Variants in B3GAT2 observed in about 807,000 individuals in gnomAD.
The protein encoded by B3GAT2 is galactosylgalactosylxylosylprotein 3-beta-glucuronosyltransferase 2.
In B3GAT2, 26 loss-of-function variants were observed where a neutral mutation model predicts 27.8. The ratio of observed to expected loss-of-function variants is 0.93; its 90% CI spans 0.68 to 1.30. The LOEUF is 1.30. B3GAT2 is among the 50% of genes most tolerant of loss of function. The probability of loss-of-function intolerance (pLI) is 0.00; values close to 1 mark genes in which losing one functional copy is unlikely to be tolerated. For missense variants in B3GAT2, 458 were observed against 459.0 expected (o/e 1.00, Z 0.02); for synonymous variants, 218 against 195.1 (o/e 1.12, Z -0.98).
intron 2 of B3GAT2, among the ~76,000 whole-genome samples, chr6:70,884,871 G>T (rs1772158052): frequency 6.6e-6 from 1 of 152,200 alleles, no homozygotes; most frequent in Non-Finnish European, 1.5e-5. Flanking sequence ...CAGAGTGTTT[G>T]GGGTCAGGGT....
chr6:70,894,401 A>G, intron 1 of B3GAT2, 129 bp from the exon 2 acceptor site: 1 of 1,012,688 alleles, frequency 9.9e-7, no homozygotes, highest in Non-Finnish European at 1.4e-6. Context: ...GTTTCAAAAC[A>G]GAATCCTTCT....
intron 1 of B3GAT2, among the ~76,000 whole-genome samples, chr6:70,941,058 C>G (rs1765384388): frequency 1.3e-5 from 2 of 152,128 alleles, no homozygotes; most frequent in Non-Finnish European, 2.9e-5. Flanking sequence ...TGTAGACAAG[C>G]CCTATTTAAC....
intron 1 of B3GAT2, among the ~76,000 whole-genome samples, chr6:70,942,226 G>C (rs1050891087): frequency 6.6e-6 from 1 of 152,130 alleles, no homozygotes; most frequent in Non-Finnish European, 1.5e-5. Flanking sequence ...AGATTCCAAT[G>C]GGCATGATTT....
intron 1 of B3GAT2, among the ~76,000 whole-genome samples, chr6:70,906,759 C>A (rs1028302399): frequency 2.0e-5 from 3 of 152,090 alleles, no homozygotes; most frequent in Non-Finnish European, 4.4e-5. Flanking sequence ...AATCCGATCC[C>A]CTGCTCCACT....
intron 1 of B3GAT2, among the ~76,000 whole-genome samples, chr6:70,949,712 C>T (rs1765548166): frequency 6.6e-6 from 1 of 151,460 alleles, no homozygotes; most frequent in African/African-American, 2.4e-5. Flanking sequence ...GGGTATATAC[C>T]CAAAGGACTA....
chr6:70,898,416 C>T (rs1020334074), intron 1 of B3GAT2, among the ~76,000 whole-genome samples: 1 of 152,144 alleles, frequency 6.6e-6, no homozygotes, highest in African/African-American at 2.4e-5. Context: ...CTCACTCCAG[C>T]TTCAGACTCC....
intron 1 of B3GAT2, among the ~76,000 whole-genome samples, chr6:70,918,300 T>A (rs1209547733): frequency 6.6e-6 from 1 of 152,202 alleles, no homozygotes; most frequent in African/African-American, 2.4e-5. Context: ...TGTCTTTGCA[T>A]GTGAGATAGG....
At chr6:70,934,262 G>A (rs976474893) in intron 1 of B3GAT2, among the ~76,000 whole-genome samples, 1 of 152,190 alleles carries the variant, frequency 6.6e-6, no homozygotes, top group African/African-American at 2.4e-5. Flanking sequence ...TAAATTCCCA[G>A]ACCCTTGGCA....
intron 1 of B3GAT2, among the ~76,000 whole-genome samples, chr6:70,905,914 T>A (rs1021902755): frequency 6.6e-6 from 1 of 152,106 alleles, no homozygotes; most frequent in African/African-American, 2.4e-5. Flanking sequence ...TATGTGTGTG[T>A]GTGTGCAGTG....
At chr6:70,939,474 A>G (rs1303062692) in intron 1 of B3GAT2, among the ~76,000 whole-genome samples, 1 of 151,200 alleles carries the variant, frequency 6.6e-6, no homozygotes, top group Non-Finnish European at 1.5e-5. Context: ...ACTATTCACA[A>G]TAGCAAAGAC....
rs190133672 is a variant in B3GAT2, at chr6:70,861,564, A to C, written c.*99T>G. 1 of 1,124,462 alleles carries C rather than the reference A, an allele frequency of 8.9e-7. No individual in the cohort carries two copies. The highest frequency in any genetic ancestry group is 1.5e-5 in the African/African-American group (1 of 64,802). The allele number at this position is 1,124,462 out of a possible 1,614,324, so 69.7% of individuals were successfully genotyped here. On this transcript the variant is annotated 3_prime_UTR_variant, in exon 4 of 4. Coordinates refer to ENST00000230053, the MANE Select transcript of B3GAT2 (RefSeq NM_080742.3). ...ACAAGAAAGGCTGCTGTACTGAAGT[A>C]AAACAAACAATACCTGAATGCTCTG... is the stretch of plus-strand genomic sequence containing the variant.
chr6:70,910,848 A>C (rs1772678523), intron 1 of B3GAT2, among the ~76,000 whole-genome samples: 1 of 152,070 alleles, frequency 6.6e-6, no homozygotes. Context: ...CTATTTTATA[A>C]CTTTTTAATA....
intron 2 of B3GAT2, among the ~76,000 whole-genome samples, chr6:70,885,405 T>A (rs113641263): frequency 9.1e-4 from 139 of 152,316 alleles, no homozygotes; most frequent in African/African-American, 3.2e-3. Flanking sequence ...ATTTTAACAA[T>A]GAACACGTAT....
chr6:70,956,031 G>A lies in B3GAT2; in HGVS notation c.399C>T (p.Ala133=), dbSNP rs527522804. ...CGTGCAGGTGAGTGCTGGGCAGCCC[G>A]GCCCGCGCCAGGAAGCGGCTCACCA... The part of the protein sequence containing the change: ...SELVSRFLAR[A]GLPSTHLHVP... The change falls in exon 1 of 4, where the codon GCC becomes GCT. Residue 133 remains alanine, a synonymous_variant. Transcript: ENST00000230053. 4 of 1,550,486 alleles carry A rather than the reference G, an allele frequency of 2.6e-6. No homozygotes were observed. Among genetic ancestry groups the A allele is most frequent in the Admixed American group, 3.8e-5 (2 of 52,392 alleles).
At chr6:70,893,957 C>G (rs535673728) in intron 2 of B3GAT2, among the ~76,000 whole-genome samples, 171 bp downstream of exon 2, 1 of 152,318 alleles carries the variant, frequency 6.6e-6, no homozygotes, top group South Asian at 2.1e-4. Flanking sequence ...TCCACTTGAT[C>G]TAACCAAAGA....
In B3GAT2 at chr6:70,858,426, C is replaced by A; in HGVS notation, c.*3237G>T. The A allele has an allele frequency of 1.9e-6, 1 of 513,708 alleles. No homozygotes were observed. The highest frequency in any genetic ancestry group is 3.3e-6 in the Non-Finnish European group (1 of 306,294). 31.8% of individuals were successfully genotyped at this position (513,708 alleles called of 1,614,324 possible). A position where few individuals can be genotyped will look rare whatever the true frequency, so the allele number is the denominator to read the frequency against. ...AGATAGACAAATGATGTGTTATTAT[C>A]GCTATTTTAGAGTATTCTGTAAAAA... On this transcript the variant is annotated 3_prime_UTR_variant, in exon 4 of 4. Transcript: ENST00000230053.
At position 70,926,684 on chromosome 6, in the gene B3GAT2, C is replaced by T. The variant is rs145111008; in HGVS notation, c.591+29155G>A. ...AGAAATATGGGACTATGTGAAAAGA[C>T]CAAATCTACGTTTCATTGGTGTACC... On this transcript the variant is annotated intron_variant, in intron 1 of 3. Transcript: ENST00000230053. Among the ~76,000 whole-genome samples the T allele has an allele frequency of 1.4e-4, 22 of 152,200 alleles. No individual in the cohort carries two copies. The East Asian group carries it at 4.2e-3, about 29-fold the overall frequency.
At chr6:70,888,403 CACCAT>C (rs1291039318) in intron 2 of B3GAT2, among the ~76,000 whole-genome samples, 9 of 152,160 alleles carry the variant, frequency 5.9e-5, no homozygotes, top group African/African-American at 1.7e-4. Context: ...CATCATTTAT[CACCAT>C]ACCATACAAC....
chr6:70,907,075 T>C (rs891871175), intron 1 of B3GAT2, among the ~76,000 whole-genome samples: 13 of 152,212 alleles, frequency 8.5e-5, no homozygotes, highest in Admixed American at 2.6e-4. Flanking sequence ...GTTCGTTGCC[T>C]ACTCAACATC....
Sources: gnomAD v4.1 joint callset for allele counts (sites outside exome capture counted in the v4.1 genomes callset) on GRCh38, gnomAD v4.1.1 for gene constraint, MANE v1.5 for transcripts, NCBI Gene and HGNC (gene_info 2026-07-23, HGNC 2026-07-21) for gene names.